CNTNAP2: variants seen among roughly 807,000 people sequenced by gnomAD.
The protein encoded by CNTNAP2 is contactin-associated protein-like 2.
Under a neutral mutation model 155.2 loss-of-function variants are expected in CNTNAP2, and 98 were observed. The ratio of observed to expected loss-of-function variants is 0.63; its 90% CI spans 0.54 to 0.75. The LOEUF (loss-of-function observed/expected upper bound fraction) is 0.75. CNTNAP2 is among the 30% of genes least tolerant of loss of function. The pLI is 0.00. For synonymous variants in CNTNAP2, 651 were observed against 631.2 expected (o/e 1.03, Z -0.47); for missense variants, 1,727 against 1,688.1 (o/e 1.02, Z -0.40).
At chr7:147,665,344 G>T (rs1431147009) in intron 13 of CNTNAP2, among the ~76,000 whole-genome samples, 1 of 152,088 alleles carries the variant, frequency 6.6e-6, no homozygotes, top group Non-Finnish European at 1.5e-5. Context: ...ATTACAAATT[G>T]TCTCCTATTT....
At chr7:147,797,656 T>G (rs1797920079) in intron 13 of CNTNAP2, among the ~76,000 whole-genome samples, 1 of 152,162 alleles carries the variant, frequency 6.6e-6, no homozygotes, top group South Asian at 2.1e-4. Context: ...GCCTTATGAA[T>G]CTTGAATAGA....
At chr7:146,913,722 C>A (rs915939468) in intron 3 of CNTNAP2, among the ~76,000 whole-genome samples, 1 of 151,916 alleles carries the variant, frequency 6.6e-6, no homozygotes, top group South Asian at 2.1e-4. Context: ...CTCCTAATGG[C>A]GTCACATAGA....
chr7:147,198,201 C>T (rs1802843913), intron 8 of CNTNAP2, among the ~76,000 whole-genome samples: 2 of 148,842 alleles, frequency 1.3e-5, no homozygotes, highest in Middle Eastern at 3.6e-3. Context: ...CTTGGCTAAC[C>T]AAAATGCCAG....
chr7:147,730,501 G>A (rs2116465176), intron 13 of CNTNAP2, among the ~76,000 whole-genome samples: 1 of 151,918 alleles, frequency 6.6e-6, no homozygotes, highest in Admixed American at 6.6e-5. Flanking sequence ...ATTGTTTTGG[G>A]GAACCATGAA....
At chr7:147,625,516 TAG>T (rs1247569759) in intron 12 of CNTNAP2, among the ~76,000 whole-genome samples, 5 of 152,188 alleles carry the variant, frequency 3.3e-5, no homozygotes, top group African/African-American at 1.2e-4. Context: ...TTCATCAAAA[TAG>T]AGTTTATATA....
chr7:147,336,529 A>C (rs967272909), intron 9 of CNTNAP2, among the ~76,000 whole-genome samples: 2 of 152,184 alleles, frequency 1.3e-5, no homozygotes, highest in African/African-American at 4.8e-5. Flanking sequence ...TATGGGTGAT[A>C]ATAGTCAAGA....
intron 21 of CNTNAP2, among the ~76,000 whole-genome samples, chr7:148,272,994 A>G (rs1796809582): frequency 6.6e-6 from 1 of 152,236 alleles, no homozygotes; most frequent in Non-Finnish European, 1.5e-5. Flanking sequence ...TTACTCAGCA[A>G]GACTGACATG....
chr7:146,829,929 G>A (rs888320343), intron 2 of CNTNAP2, among the ~76,000 whole-genome samples: 2 of 151,830 alleles, frequency 1.3e-5, no homozygotes, highest in Non-Finnish European at 2.9e-5. Context: ...TTTTTCTTTT[G>A]TGGACTACCT....
At chr7:148,307,391 G>A (rs1797508239) in intron 21 of CNTNAP2, among the ~76,000 whole-genome samples, 4 of 152,122 alleles carry the variant, frequency 2.6e-5, no homozygotes, top group Admixed American at 2.0e-4. Flanking sequence ...ACAAATAATG[G>A]GCGGCTTTGC....
At chr7:146,500,440 G>C (rs185739411) in intron 1 of CNTNAP2, among the ~76,000 whole-genome samples, 12 of 152,134 alleles carry the variant, frequency 7.9e-5, no homozygotes, top group East Asian at 1.9e-4. Context: ...AACTTAGTTG[G>C]GGGGAGGTAA....
chr7:146,185,109 C>T (rs140398378), intron 1 of CNTNAP2, among the ~76,000 whole-genome samples: 1 of 152,156 alleles, frequency 6.6e-6, no homozygotes, highest in East Asian at 1.9e-4. Flanking sequence ...CCAGGCCAAT[C>T]CATAAACATT....
intron 15 of CNTNAP2, among the ~76,000 whole-genome samples, chr7:148,107,935 G>A (rs984017516): frequency 6.6e-6 from 1 of 152,218 alleles, no homozygotes; most frequent in African/African-American, 2.4e-5. Context: ...TCTGGGAGGG[G>A]AATGACAAGA....
At chr7:147,752,735 C>A (rs897009870) in intron 13 of CNTNAP2, among the ~76,000 whole-genome samples, 12 of 152,228 alleles carry the variant, frequency 7.9e-5, no homozygotes, top group African/African-American at 2.6e-4. Context: ...ATGAGCCATG[C>A]CTTTATAAAT....
At chr7:147,300,429 G>T in intron 9 of CNTNAP2, 139 bp downstream of exon 9, 1 of 966,644 alleles carries the variant, frequency 1.0e-6, no homozygotes, top group Non-Finnish European at 1.5e-6. Flanking sequence ...ATTCCACTGA[G>T]CAAAACAAAA....
rs149925170 is a variant in CNTNAP2 at position 146,926,251 on chromosome 7, T to TTGTG, written c.402+86362_402+86365dup. Among the ~76,000 whole-genome samples, 1,239 of 150,590 alleles carry TTGTG rather than the reference T, an allele frequency of 8.2e-3. 18 individuals are homozygous for TTGTG. Among genetic ancestry groups the TTGTG allele is most frequent in the African/African-American group, 0.028 (1,135 of 41,196 alleles). ...ATTAAAACCAATCTGCTGTGTACATTTGTGTGTGTGTGTGTGTGATTCATT... is the reference window on the plus strand; with the variant it reads ...ATTAAAACCAATCTGCTGTGTACATTTGTGTGTGTGTGTGTGTGTGTGATTCATT... On this transcript the variant is annotated intron_variant, in intron 3 of 23. Transcript: ENST00000361727.
intron 1 of CNTNAP2, among the ~76,000 whole-genome samples, chr7:146,459,923 T>G (rs1044414992): frequency 6.6e-6 from 1 of 152,136 alleles, no homozygotes; most frequent in Non-Finnish European, 1.5e-5. Flanking sequence ...TGAGCCAAGT[T>G]CAGGCCATTG....
intron 13 of CNTNAP2, among the ~76,000 whole-genome samples, chr7:147,774,437 C>A (rs1441956522): frequency 3.3e-5 from 5 of 152,138 alleles, no homozygotes; most frequent in South Asian, 2.1e-4. Context: ...AGGGTTAAAA[C>A]AATAGAATTT....
At chr7:146,573,937 T>A (rs920549522) in intron 1 of CNTNAP2, among the ~76,000 whole-genome samples, 4 of 152,192 alleles carry the variant, frequency 2.6e-5, no homozygotes, top group Non-Finnish European at 5.9e-5. Flanking sequence ...ACATAAAAAA[T>A]GTGGTTTATT....
At chr7:146,226,082 C>A (rs1385831096) in intron 1 of CNTNAP2, among the ~76,000 whole-genome samples, 2 of 152,132 alleles carry the variant, frequency 1.3e-5, no homozygotes, top group East Asian at 1.9e-4. Context: ...GAACAATTCC[C>A]AACTTGAAAC....
Sources: gnomAD v4.1 joint callset for allele counts (sites outside exome capture counted in the v4.1 genomes callset) on GRCh38, gnomAD v4.1.1 for gene constraint, MANE v1.5 for transcripts, NCBI Gene and HGNC (gene_info 2026-07-23, HGNC 2026-07-21) for gene names.